ZNF804B: variants seen among roughly 807,000 people sequenced by gnomAD.
The protein encoded by ZNF804B is zinc finger protein 804B, also known as zinc finger 804B.
ZNF804B carries 80 observed loss-of-function variants against 101.4 expected under a neutral mutation model. The ratio of observed to expected loss-of-function variants is 0.79; its 90% CI spans 0.66 to 0.95. ZNF804B has a LOEUF of 0.95. Ranked by LOEUF, ZNF804B falls within the 40% of genes least tolerant of loss-of-function variation. The probability of loss-of-function intolerance (pLI) is 0.00; values close to 1 mark genes in which losing one functional copy is unlikely to be tolerated. For synonymous variants in ZNF804B, 622 were observed against 558.8 expected, an observed-to-expected ratio of 1.11 and a Z score of -1.59; for missense variants, 1,673 against 1,561.9, an observed-to-expected ratio of 1.07 and a Z score of -1.20.
In ZNF804B at chr7:89,230,498, G is replaced by A. The variant is rs538892175; in HGVS notation, c.249+12203G>A. ...AAAACTAAAGTTGGTGAGCTAACAC[G>A]ATCCAGTTTCAAAAAGTACTATAAA... On this transcript the variant is annotated intron_variant, in intron 2 of 3. Coordinates refer to ENST00000333190, the MANE Select transcript of ZNF804B (RefSeq NM_181646.5). 1.1e-4 allele frequency among the ~76,000 whole-genome samples: 16 copies of A among 152,156 alleles called. No homozygotes were observed. The South Asian group carries it at 2.7e-3, about 26-fold the overall frequency.
intron 1 of ZNF804B, among the ~76,000 whole-genome samples, chr7:88,769,805 T>G (rs1247452698): frequency 2.0e-5 from 3 of 152,196 alleles, no homozygotes; most frequent in African/African-American, 7.2e-5. Context: ...TTGCCTGAGT[T>G]TATCAGTCAC....
At chr7:88,782,830 C>A (rs1790250039) in intron 1 of ZNF804B, among the ~76,000 whole-genome samples, 1 of 152,106 alleles carries the variant, frequency 6.6e-6, no homozygotes, top group Non-Finnish European at 1.5e-5. Context: ...TCTTTAGCAG[C>A]AAGCATGGGT....
intron 1 of ZNF804B, among the ~76,000 whole-genome samples, chr7:88,822,575 A>G (rs773148592): frequency 1.3e-5 from 2 of 152,102 alleles, no homozygotes; most frequent in Non-Finnish European, 2.9e-5. Flanking sequence ...GGTTTTCCTC[A>G]ATTGTAAAAT....
chr7:89,063,996 T>G (rs959745057), intron 1 of ZNF804B, among the ~76,000 whole-genome samples: 3 of 152,152 alleles, frequency 2.0e-5, no homozygotes, highest in Non-Finnish European at 4.4e-5. Flanking sequence ...AGTTGGTGGT[T>G]GTGTCAGTGA....
intron 1 of ZNF804B, among the ~76,000 whole-genome samples, chr7:89,149,851 T>C (rs1306780610): frequency 1.3e-5 from 2 of 151,724 alleles, no homozygotes. Context: ...GCCCAGTAGG[T>C]ACTTATTTCA....
At chr7:89,269,219 C>T (rs1789845444) in intron 2 of ZNF804B, among the ~76,000 whole-genome samples, 1 of 152,122 alleles carries the variant, frequency 6.6e-6, no homozygotes, top group Admixed American at 6.5e-5. Context: ...CCCCTTCCCC[C>T]TACCCCACAA....
intron 1 of ZNF804B, among the ~76,000 whole-genome samples, chr7:89,153,700 C>T (rs1790913407): frequency 6.6e-6 from 1 of 152,112 alleles, no homozygotes; most frequent in Non-Finnish European, 1.5e-5. Context: ...CACTTTCTCA[C>T]ATCAGATTTT....
chr7:89,163,061 T>C (rs1028685837), intron 1 of ZNF804B, among the ~76,000 whole-genome samples: 4 of 152,084 alleles, frequency 2.6e-5, no homozygotes, highest in Non-Finnish European at 4.4e-5. Context: ...ATTTTCTTAA[T>C]CCAGAACTTT....
intron 1 of ZNF804B, among the ~76,000 whole-genome samples, chr7:88,946,409 A>G (rs142009484): frequency 0.12 from 18,767 of 151,890 alleles, 1,343 homozygotes; most frequent in South Asian, 0.17. Context: ...TGATTTGTGT[A>G]TGTTGAACCA....
chr7:89,022,442 T>C (rs1008253618), intron 1 of ZNF804B, among the ~76,000 whole-genome samples: 4 of 152,158 alleles, frequency 2.6e-5, no homozygotes, highest in African/African-American at 4.8e-5. Flanking sequence ...TTCTTTATTA[T>C]CCGGTTATGT....
intron 1 of ZNF804B, among the ~76,000 whole-genome samples, chr7:89,156,991 T>A (rs1328262247): frequency 1.3e-5 from 2 of 152,186 alleles, no homozygotes; most frequent in Non-Finnish European, 2.9e-5. Flanking sequence ...ATCTCTTCCT[T>A]TCCAACACAC....
chr7:89,150,642 AT>A (rs1471975116), intron 1 of ZNF804B, among the ~76,000 whole-genome samples: 5 of 152,158 alleles, frequency 3.3e-5, no homozygotes, highest in Admixed American at 2.0e-4. Flanking sequence ...TATGCTTTTC[AT>A]TTAAAAATTA....
chr7:88,770,043 TAATA>T (rs1237496618), intron 1 of ZNF804B, among the ~76,000 whole-genome samples: 1 of 152,198 alleles, frequency 6.6e-6, no homozygotes, highest in African/African-American at 2.4e-5. Flanking sequence ...TATCAGTTGT[TAATA>T]GATAGTTAAA....
At chr7:88,866,757 A>G (rs1435469973) in intron 1 of ZNF804B, among the ~76,000 whole-genome samples, 1 of 152,214 alleles carries the variant, frequency 6.6e-6, no homozygotes, top group Non-Finnish European at 1.5e-5. Context: ...TCATTGTTCT[A>G]ATCTACAAGG....
intron 1 of ZNF804B, among the ~76,000 whole-genome samples, chr7:89,163,802 T>C (rs1317264042): frequency 6.6e-6 from 1 of 152,098 alleles, no homozygotes; most frequent in African/African-American, 2.4e-5. Context: ...GAGACAATAA[T>C]TCTAAATGCA....
chr7:89,211,242 A>G (rs1788798904), intron 1 of ZNF804B, among the ~76,000 whole-genome samples: 1 of 152,146 alleles, frequency 6.6e-6, no homozygotes, highest in South Asian at 2.1e-4. Context: ...TCTGGATATT[A>G]GACTTTTGTC....
At chr7:88,892,161 G>A (rs186578944) in intron 1 of ZNF804B, among the ~76,000 whole-genome samples, 4 of 149,508 alleles carry the variant, frequency 2.7e-5, no homozygotes, top group Admixed American at 2.6e-4. Flanking sequence ...CTACAAATTA[G>A]ATATTGTTGT....
chr7:89,056,117 C>T (rs1222324475), intron 1 of ZNF804B, among the ~76,000 whole-genome samples: 7 of 152,088 alleles, frequency 4.6e-5, no homozygotes, highest in Non-Finnish European at 1.0e-4. Context: ...TCTTCAAAAG[C>T]CTCTCAGTAT....
rs142698001 is a variant in ZNF804B at position 89,290,516 on chromosome 7, T to C, written c.250-36828T>C. Among the ~76,000 whole-genome samples, 14 of 152,158 alleles carry C rather than the reference T, an allele frequency of 9.2e-5. No individual in the cohort carries two copies. The East Asian group carries it at 2.5e-3, about 27-fold the overall frequency. On this transcript the variant is annotated intron_variant, in intron 2 of 3. Transcript: ENST00000333190. The stretch of plus-strand genomic sequence containing the variant: ...GAAAGGTGGGTCCCAGGCCTGGCAG[T>C]ATTCACCACAAGCTGACTAAAGAGC...
Sources: gnomAD v4.1 joint callset for allele counts (sites outside exome capture counted in the v4.1 genomes callset) on GRCh38, gnomAD v4.1.1 for gene constraint, MANE v1.5 for transcripts, NCBI Gene and HGNC (gene_info 2026-07-23, HGNC 2026-07-21) for gene names.